The following MCRS1 variants were observed in gnomAD, a reference collection of about 807,000 sequenced individuals.
The protein encoded by MCRS1 is microspherule protein 1, also known as 58 kDa microspherule protein.
In MCRS1, 22 loss-of-function variants were observed where a neutral mutation model predicts 62.9. That is an observed-to-expected ratio of 0.35 (90% CI 0.25 to 0.50). The LOEUF is 0.50. MCRS1 is among the 20% of genes least tolerant of loss of function. The pLI, the probability that MCRS1 is intolerant of heterozygous loss-of-function variation, is 0.98. For missense variants in MCRS1, 456 were observed against 601.1 expected (o/e 0.76, Z 2.52); for synonymous variants, 244 against 233.5 (o/e 1.04, Z -0.41).
intron 6 of MCRS1, 122 bp from the exon 7 acceptor site, chr12:49,563,668 T>G (rs981308253): frequency 1.5e-6 from 1 of 680,796 alleles, no homozygotes; most frequent in East Asian, 2.7e-5. Flanking sequence ...CAGGCCCTCA[T>G]TAGGAAGGGC....
At chr12:49,566,553 C>A in intron 2 of MCRS1, 169 bp downstream of exon 2, 1 of 1,475,708 alleles carries the variant, frequency 6.8e-7, no homozygotes. Flanking sequence ...AGCAGCTCAA[C>A]AGCAAGTCAG....
chr12:49,565,060 A>G, intron 4 of MCRS1, 165 bp from the exon 5 acceptor site: 1 of 985,102 alleles, frequency 1.0e-6, no homozygotes, highest in African/African-American at 1.7e-5. Flanking sequence ...CAGCTTTCTA[A>G]TACCCACCCC....
At position 49,559,345 on chromosome 12, in the gene MCRS1, G is replaced by C; in HGVS notation, c.1087-44C>G. The C allele has an allele frequency of 6.2e-7, 1 of 1,607,750 alleles. No homozygotes were observed. The highest frequency in any genetic ancestry group is 8.5e-7 in the Non-Finnish European group (1 of 1,174,256). ...TGAGGGCTGGGACCTGAAGAATTGG[G>C]GGAGTAGGTCTATGCAGGCCAGAGA... On this transcript the variant is annotated intron_variant, in intron 12 of 14. Coordinates refer to ENST00000343810, the MANE Select transcript of MCRS1 (RefSeq NM_006337.5). The surrounding 1 kb of genome is among the most constrained non-coding windows in gnomAD (Gnocchi z 5.2).
At chr12:49,563,213 C>G (rs963844014) in intron 7 of MCRS1, 74 bp from the exon 8 acceptor site, 3 of 1,530,540 alleles carry the variant, frequency 2.0e-6, no homozygotes, top group Non-Finnish European at 2.6e-6. Flanking sequence ...ATCTCTACCT[C>G]CCACCTCAGC....
In MCRS1 at chr12:49,568,078, T is replaced by C. The variant is rs926182998; in HGVS notation, c.-141A>G. 9 of 152,042 alleles carry C rather than the reference T, an allele frequency of 5.9e-5. No homozygotes were observed. Among genetic ancestry groups the C allele is most frequent in the Non-Finnish European group, 1.3e-4 (9 of 68,028 alleles). 9.4% of individuals were successfully genotyped at this position (152,042 alleles called of 1,614,324 possible). A position where few individuals can be genotyped will look rare whatever the true frequency, so the allele number is the denominator to read the frequency against. ...CTAGACTGCCAGATCCAACAATTTC[T>C]CCGCGGCGACGGTAGCAGCCGCAGG... On this transcript the variant is annotated 5_prime_UTR_variant, in exon 1 of 15. Transcript: ENST00000343810.
intron 8 of MCRS1, among the ~76,000 whole-genome samples, chr12:49,562,200 G>C (rs1284480221): frequency 6.6e-6 from 1 of 152,206 alleles, no homozygotes; most frequent in Non-Finnish European, 1.5e-5. Context: ...AAGGTGATGG[G>C]TACCAATGAA....
intron 1 of MCRS1, chr12:49,567,575 G>C (rs1375534018): frequency 6.6e-6 from 1 of 152,166 alleles, no homozygotes. Flanking sequence ...TAAGAATCTT[G>C]ACATCTGAGG....
At chr12:49,560,175 A>C in intron 9 of MCRS1, 120 bp downstream of exon 9, 1 of 1,252,178 alleles carries the variant, frequency 8.0e-7, no homozygotes, top group Non-Finnish European at 1.2e-6. Flanking sequence ...GAGGGGGCTC[A>C]GCCAGGGGGG....
At chr12:49,563,609 T>C (rs537811638) in intron 6 of MCRS1, 63 bp from the exon 7 acceptor site, 27 of 1,274,582 alleles carry the variant, frequency 2.1e-5, no homozygotes, top group Non-Finnish European at 2.9e-5. Context: ...CTGGGGTTCC[T>C]ACTATTTCCC....
At position 49,566,102 on chromosome 12, in the gene MCRS1, T is replaced by G; in HGVS notation, c.124A>C (p.Ile42Leu). Residue 42 changes from isoleucine (I) to leucine (L), a missense_variant, in exon 3 of 15, where the codon ATC becomes CTC. Coordinates refer to ENST00000343810, the MANE Select transcript of MCRS1 (RefSeq NM_006337.5). ...KRASSQALGT[I>L]PKRRSSSRFI... ...CTGGAGGAGCTTCTCCGTTTAGGGA[T>G]GGTGCCCAAGGCCTGGGAGGAGGCT... 6.2e-7 allele frequency: 1 copy of G among 1,614,214 alleles called. No individual in the cohort carries two copies. The highest frequency in any genetic ancestry group is 8.5e-7 in the Non-Finnish European group (1 of 1,180,018).
Position 49,565,585 on chromosome 12 carries a change from C to A in MCRS1, c.232G>T (p.Gly78Trp). The A allele has an allele frequency of 6.2e-7, 1 of 1,612,922 alleles. No homozygotes were observed. Among genetic ancestry groups the A allele is most frequent in the Non-Finnish European group, 8.5e-7 (1 of 1,179,346 alleles). ...CCCGAACAGCGCCCTGGTTCCACCC[C>A]ACTGGCCCCCTTTGCCCGGGTAGAA... ...KSSTRAKGAS[G>W]VEPGRCSGSE... Residue 78 changes from glycine to tryptophan, a missense_variant, in exon 4 of 15, where the codon GGG becomes TGG. Transcript: ENST00000343810.
Position 49,559,869 on chromosome 12 carries a change from A to T in MCRS1, c.911-48T>A, listed in dbSNP as rs754453437. The stretch of plus-strand genomic sequence containing the variant: ...GGAGGGATGCTCTGAGGCCACCAGC[A>T]CCTTGTACTGGTCCTCTTGATTCTG... On this transcript the variant is annotated intron_variant, in intron 10 of 14. Transcript: ENST00000343810. The surrounding 1 kb of genome is among the most constrained non-coding windows in gnomAD (Gnocchi z 5.2). 1.9e-6 allele frequency: 3 copies of T among 1,613,940 alleles called. No individual in the cohort carries two copies. The highest frequency in any genetic ancestry group is 2.5e-6 in the Non-Finnish European group (3 of 1,179,874).
Position 49,559,866 on chromosome 12 carries a change from A to T in MCRS1, c.911-45T>A, listed in dbSNP as rs529877731. 10 of 1,614,038 alleles carry T rather than the reference A, an allele frequency of 6.2e-6. No individual in the cohort carries two copies. In the Admixed American group the frequency reaches 1.5e-4, roughly 24 times the overall value. On this transcript the variant is annotated intron_variant, in intron 10 of 14. Transcript: ENST00000343810. The surrounding 1 kb of genome is among the most constrained non-coding windows in gnomAD (Gnocchi z 5.2). ...TAAGGAGGGATGCTCTGAGGCCACC[A>T]GCACCTTGTACTGGTCCTCTTGATT...
Position 49,558,376 on chromosome 12 carries a change from C to T in MCRS1, c.*267G>A, listed in dbSNP as rs150877008. The T allele has an allele frequency of 2.2e-5, 11 of 500,294 alleles. No homozygotes were observed. The highest frequency in any genetic ancestry group is 5.0e-4 in the Middle Eastern group (1 of 2,004). The allele number at this position is 500,294 out of a possible 1,614,324, so 31.0% of individuals were successfully genotyped here. ...GTCTGAGGCTAATCAGCTGGAGACA[C>T]AGGAGTGAAGGTGGCAATGGGGGGT... On this transcript the variant is annotated 3_prime_UTR_variant, in exon 15 of 15. Coordinates refer to ENST00000343810, the MANE Select transcript of MCRS1 (RefSeq NM_006337.5).
Position 49,563,558 on chromosome 12 carries a change from A to C in MCRS1, c.558-12T>G, listed in dbSNP as rs764057280. On this transcript the variant is annotated splice_polypyrimidine_tract_variant and intron_variant, in intron 6 of 14. Transcript: ENST00000343810. ...CCTGACAGGCCAACCTGGACACGGAAAGAGACAGAGGGGAGGGGTGAAGGA... is the reference window on the plus strand; with the variant it reads ...CCTGACAGGCCAACCTGGACACGGACAGAGACAGAGGGGAGGGGTGAAGGA... 6.2e-7 allele frequency: 1 copy of C among 1,600,156 alleles called. No homozygotes were observed. The highest frequency in any genetic ancestry group is 1.1e-5 in the South Asian group (1 of 90,084).
At chr12:49,567,441 G>A (rs4144471) in intron 1 of MCRS1, among the ~76,000 whole-genome samples, 2 of 152,082 alleles carry the variant, frequency 1.3e-5, no homozygotes, top group South Asian at 4.2e-4. Flanking sequence ...AGAGAACCCA[G>A]GTACTGGACT....
intron 7 of MCRS1, 130 bp downstream of exon 7, chr12:49,563,308 G>T: frequency 7.4e-7 from 1 of 1,359,780 alleles, no homozygotes; most frequent in Non-Finnish European, 1.0e-6. Context: ...AAACGCCCCT[G>T]CCAATGTGCA....
At position 49,558,602 on chromosome 12, in the gene MCRS1, G is replaced by T; in HGVS notation, c.*41C>A. 2 of 1,594,522 alleles carry T rather than the reference G, an allele frequency of 1.3e-6. No homozygotes were observed. Among genetic ancestry groups the T allele is most frequent in the East Asian group, 2.2e-5 (1 of 44,674 alleles). On this transcript the variant is annotated 3_prime_UTR_variant, in exon 15 of 15. Transcript: ENST00000343810. ...GCTCAAGGGGGCTGGAGTGGCAGGG[G>T]AAACAGGCCGGAGAGGGCCCACGAG... is the stretch of plus-strand genomic sequence containing the variant.
At position 49,563,079 on chromosome 12, in the gene MCRS1, A is replaced by G; in HGVS notation, c.727T>C (p.Tyr243His). The G allele has an allele frequency of 6.4e-7, 1 of 1,571,672 alleles. No individual in the cohort carries two copies. Among genetic ancestry groups the G allele is most frequent in the South Asian group, 1.2e-5 (1 of 86,078 alleles). ...AGGGCCTTCGCGGTACGGGCCAGGTAGAAGGCATCAGGGTGTCTGTGCAGC... is the reference window on the plus strand; with the variant it reads ...AGGGCCTTCGCGGTACGGGCCAGGTGGAAGGCATCAGGGTGTCTGTGCAGC... ...DLLHRHPDAF[Y>H]LARTAKALQA... Residue 243 changes from tyrosine to histidine, a missense_variant, in exon 8 of 15, where the codon TAC becomes CAC. Physicochemically the swap from Tyr to His is moderately conservative, Grantham distance 83. Around this residue, in one of 3 missense-constraint regions of MCRS1, gnomAD observed 393 missense variants for 523.5 expected, o/e 0.75. Coordinates refer to ENST00000343810, the MANE Select transcript of MCRS1 (RefSeq NM_006337.5).
Sources: gnomAD v4.1 joint callset for allele counts (sites outside exome capture counted in the v4.1 genomes callset) on GRCh38, gnomAD v4.1.1 for gene constraint, gnomAD v4.1.1 regional missense constraint, Gnocchi (gnomAD v3.1) non-coding constraint, MANE v1.5 for transcripts, NCBI Gene and HGNC (gene_info 2026-07-23, HGNC 2026-07-21) for gene names.